Variants in APBA2 observed in about 807,000 individuals in gnomAD.
APBA2 encodes the protein amyloid-beta A4 precursor protein-binding family A member 2.
A neutral mutation model predicts 75.0 loss-of-function variants in APBA2; 30 were observed. The observed-to-expected ratio is 0.40, with a 90% CI of 0.30 to 0.54. The LOEUF (loss-of-function observed/expected upper bound fraction) is 0.54. Ranked by LOEUF, APBA2 falls within the 20% of genes least tolerant of loss-of-function variation. APBA2 has a pLI of 0.49. For synonymous variants in APBA2, 444 were observed against 409.6 expected (o/e 1.08, Z -1.01); for missense variants, 801 against 1,016.1 (o/e 0.79, Z 2.88).
At chr15:29,047,925 A>C (rs2041416684) in intron 3 of APBA2, among the ~76,000 whole-genome samples, 1 of 152,236 alleles carries the variant, frequency 6.6e-6, no homozygotes, top group Non-Finnish European at 1.5e-5. Context: ...TATTTAAGAA[A>C]AAACTTAATA....
chr15:29,054,136 G>C lies in APBA2; in HGVS notation c.252G>C (p.Glu84Asp), dbSNP rs759737179. The C allele has an allele frequency of 1.2e-6, 2 of 1,614,196 alleles. No homozygotes were observed. Among genetic ancestry groups the C allele is most frequent in the South Asian group, 1.1e-5 (1 of 91,082 alleles). Residue 84 changes from glutamate (E) to aspartate (D), a missense_variant, in exon 4 of 15, where the codon GAG becomes GAC. Transcript: ENST00000683413. This position sits in a 1 kb window ranked among gnomAD's most constrained non-coding sequence, Gnocchi z 6.1. ...SDYVNNTSEE[E>D]DYDEGLPEEE... ...ACGTGAACAACACCTCTGAGGAGGA[G>C]GACTATGACGAGGGCCTCCCTGAGG...
chr15:29,033,428 T>C (rs2040583526), intron 3 of APBA2, among the ~76,000 whole-genome samples: 2 of 152,140 alleles, frequency 1.3e-5, no homozygotes, highest in Admixed American at 1.3e-4. Flanking sequence ...CTCTCCAAAG[T>C]CAGCCAAGCG....
chr15:29,094,081 C>T (rs2043722174), intron 7 of APBA2, among the ~76,000 whole-genome samples, 197 bp from the exon 8 acceptor site: 1 of 152,236 alleles, frequency 6.6e-6, no homozygotes, highest in Admixed American at 6.5e-5. Context: ...ATTTCTAGCG[C>T]TCCAGGGACA....
intron 6 of APBA2, among the ~76,000 whole-genome samples, chr15:29,084,299 A>C (rs968862974): frequency 1.8e-4 from 27 of 152,200 alleles, no homozygotes; most frequent in Non-Finnish European, 4.4e-5. Flanking sequence ...TGGGTAGAAC[A>C]GAAGGAACAA....
At chr15:28,993,559 A>G (rs904336825) in intron 2 of APBA2, among the ~76,000 whole-genome samples, 6 of 151,828 alleles carry the variant, frequency 4.0e-5, no homozygotes, top group African/African-American at 1.5e-4. Context: ...ATAAATAGAC[A>G]CTCAAAACCC....
At chr15:28,949,688 C>T (rs1473134258) in intron 2 of APBA2, among the ~76,000 whole-genome samples, 1 of 152,294 alleles carries the variant, frequency 6.6e-6, no homozygotes. Context: ...AGACTGTTCT[C>T]GAACTCCTGG....
intron 3 of APBA2, among the ~76,000 whole-genome samples, chr15:29,027,554 C>A (rs1045153539): frequency 2.0e-5 from 3 of 151,644 alleles, no homozygotes; most frequent in African/African-American, 7.3e-5. Context: ...TATACTGGGC[C>A]AACTTTCAAT....
chr15:29,001,367 T>C (rs934393225), intron 3 of APBA2, among the ~76,000 whole-genome samples: 7 of 152,170 alleles, frequency 4.6e-5, no homozygotes, highest in Non-Finnish European at 8.8e-5. Context: ...AGTGCCACCA[T>C]GCCCAGCTAA....
intron 10 of APBA2, among the ~76,000 whole-genome samples, chr15:29,104,413 G>A (rs916018135): frequency 3.3e-5 from 5 of 152,202 alleles, no homozygotes; most frequent in Admixed American, 6.5e-5. Context: ...GGCGAGCTCC[G>A]GGAGCTCAGT....
At chr15:28,927,567 T>A (rs759794775) in intron 2 of APBA2, among the ~76,000 whole-genome samples, 1 of 151,876 alleles carries the variant, frequency 6.6e-6, no homozygotes, top group Non-Finnish European at 1.5e-5. Flanking sequence ...TCTGTTCCCC[T>A]CCCCAACCCA....
chr15:28,897,289 C>A (rs1353449843), intron 1 of APBA2, among the ~76,000 whole-genome samples: 1 of 151,700 alleles, frequency 6.6e-6, no homozygotes, highest in African/African-American at 2.4e-5. Context: ...AATGGGACAC[C>A]ATTCCACACC....
chr15:28,964,574 G>A (rs562930215), intron 2 of APBA2, among the ~76,000 whole-genome samples: 14 of 149,758 alleles, frequency 9.3e-5, no homozygotes, highest in Non-Finnish European at 2.1e-4. Context: ...TGCAACCTCC[G>A]CCTCCTAGAT....
intron 4 of APBA2, among the ~76,000 whole-genome samples, chr15:29,072,647 G>A (rs1248768952): frequency 6.6e-6 from 1 of 152,120 alleles, no homozygotes; most frequent in Non-Finnish European, 1.5e-5. Context: ...CAGCCCTCTT[G>A]TAGGGGGAAG....
At chr15:28,990,079 C>CTGAA (rs1165920370) in intron 2 of APBA2, among the ~76,000 whole-genome samples, 1 of 152,150 alleles carries the variant, frequency 6.6e-6, no homozygotes, top group East Asian at 1.9e-4. Context: ...GACGGACTTA[C>CTGAA]TGAAGATTAC....
chr15:29,116,083 T>G (rs1205934257), intron 14 of APBA2, among the ~76,000 whole-genome samples: 1 of 145,822 alleles, frequency 6.9e-6, no homozygotes, highest in Non-Finnish European at 1.5e-5. Context: ...GAAGCAGACG[T>G]TTAGAGTCTG....
At position 29,046,867 on chromosome 15, in the gene APBA2, C is replaced by G. The variant is rs1031098746; in HGVS notation, c.-40-6978C>G. Among the ~76,000 whole-genome samples, 5 of 152,250 alleles carry G rather than the reference C, an allele frequency of 3.3e-5. No individual in the cohort carries two copies. Among genetic ancestry groups the G allele is most frequent in the Middle Eastern group, 3.2e-3 (1 of 316 alleles). On this transcript the variant is annotated intron_variant, in intron 3 of 14. Transcript: ENST00000683413. The surrounding 1 kb of genome is among the most constrained non-coding windows in gnomAD (Gnocchi z 5.0). ...ACAGTGTCATCTGGCCACAGCCACT[C>G]CCAGCCACCTGTGTCAGCAGAGTTC...
intron 11 of APBA2, 36 bp from the exon 12 acceptor site, chr15:29,106,571 C>A (rs376653540): frequency 8.7e-6 from 14 of 1,610,788 alleles, no homozygotes; most frequent in African/African-American, 1.3e-5. Flanking sequence ...TCGGTCCTTG[C>A]CGCCAGCCCC....
intron 4 of APBA2, among the ~76,000 whole-genome samples, chr15:29,068,498 G>A (rs1021711188): frequency 6.6e-6 from 1 of 152,246 alleles, no homozygotes; most frequent in Non-Finnish European, 1.5e-5. Context: ...CTTGGTCAGC[G>A]CAGGGTCTAC....
At chr15:29,001,200 CTTATTT>C (rs1396308358) in intron 3 of APBA2, among the ~76,000 whole-genome samples, 2 of 151,898 alleles carry the variant, frequency 1.3e-5, no homozygotes, top group South Asian at 2.1e-4. Flanking sequence ...GCTCTAGTTT[CTTATTT>C]TTATTTTTAT....
Sources: gnomAD v4.1 joint callset for allele counts (sites outside exome capture counted in the v4.1 genomes callset) on GRCh38, gnomAD v4.1.1 for gene constraint, Gnocchi (gnomAD v3.1) non-coding constraint, MANE v1.5 for transcripts, NCBI Gene and HGNC (gene_info 2026-07-23, HGNC 2026-07-21) for gene names.